The following ZBTB7C variants were observed in gnomAD, a reference collection of about 807,000 sequenced individuals.
ZBTB7C encodes the protein zinc finger and BTB domain-containing protein 7C.
A neutral mutation model predicts 25.7 loss-of-function variants in ZBTB7C; 8 were observed. That is an observed-to-expected ratio of 0.31 (90% confidence interval 0.18 to 0.56). ZBTB7C has a LOEUF of 0.56. Among genes scored for constraint, ZBTB7C ranks in the 20% least tolerant of loss-of-function variants. ZBTB7C has a pLI of 0.91. For missense variants in ZBTB7C, 824 were observed against 855.2 expected, an observed-to-expected ratio of 0.96 and a Z score of 0.46; for synonymous variants, 394 against 369.0, an observed-to-expected ratio of 1.07 and a Z score of -0.78.
In ZBTB7C at chr18:48,239,344, G is replaced by C. The variant is rs116953694; in HGVS notation, c.-78-53349C>G. 9.3e-3 allele frequency among the ~76,000 whole-genome samples: 1,417 copies of C among 152,266 alleles called. 6 individuals are homozygous for C. The highest frequency in any genetic ancestry group is 0.014 in the Non-Finnish European group (963 of 68,022). The stretch of plus-strand genomic sequence containing the variant: ...GGAGACCTTAGGCAAGCTTGTATCA[G>C]CTGATGCTCCCTTGAAAGTGCTACC... On this transcript the variant is annotated intron_variant, in intron 2 of 4. Coordinates refer to ENST00000590800, the MANE Select transcript of ZBTB7C (RefSeq NM_001318841.2).
At chr18:48,322,129 C>A (rs2046110519) in intron 2 of ZBTB7C, among the ~76,000 whole-genome samples, 1 of 152,200 alleles carries the variant, frequency 6.6e-6, no homozygotes, top group Non-Finnish European at 1.5e-5. Flanking sequence ...CTTCCTCCTG[C>A]CCCTCCTTAG....
intron 2 of ZBTB7C, among the ~76,000 whole-genome samples, chr18:48,233,252 C>CCCA (rs150529767): frequency 0.012 from 1,799 of 152,236 alleles, 27 homozygotes; most frequent in African/African-American, 0.04. Context: ...CCCTTCACCC[C>CCCA]CCACCTTCCT....
intron 4 of ZBTB7C, among the ~76,000 whole-genome samples, chr18:48,036,942 G>A (rs1427933227): frequency 5.9e-5 from 9 of 152,186 alleles, no homozygotes; most frequent in Non-Finnish European, 8.8e-5. Context: ...AATCCTTGCC[G>A]GGCAGTTCCA....
chr18:48,094,760 G>T (rs952138426), intron 3 of ZBTB7C, among the ~76,000 whole-genome samples: 1 of 152,076 alleles, frequency 6.6e-6, no homozygotes, highest in Admixed American at 6.5e-5. Flanking sequence ...GTTACACAGT[G>T]GTTTGCATAT....
intron 3 of ZBTB7C, among the ~76,000 whole-genome samples, chr18:48,070,701 G>A (rs2037510618): frequency 6.6e-6 from 1 of 152,208 alleles, no homozygotes; most frequent in Non-Finnish European, 1.5e-5. Context: ...CACCAAGAGT[G>A]ACAGGCATCT....
intron 1 of ZBTB7C, among the ~76,000 whole-genome samples, chr18:48,363,706 G>A (rs75241118): frequency 0.041 from 6,187 of 152,090 alleles, 142 homozygotes; most frequent in Non-Finnish European, 0.05. Flanking sequence ...TAGGGACAGC[G>A]TGGCCATTGG....
intron 3 of ZBTB7C, among the ~76,000 whole-genome samples, chr18:48,177,335 C>G (rs779897849): frequency 5.3e-5 from 8 of 152,210 alleles, no homozygotes; most frequent in Admixed American, 1.3e-4. Context: ...TTGGCTGGCA[C>G]TTCTTCAAGG....
chr18:48,353,048 A>G (rs180908109), intron 1 of ZBTB7C, among the ~76,000 whole-genome samples: 107 of 152,242 alleles, frequency 7.0e-4, no homozygotes, highest in Non-Finnish European at 1.1e-3. Flanking sequence ...CCTAAAAGCA[A>G]TATAGAAATA....
chr18:48,359,671 T>C (rs1318670701), intron 1 of ZBTB7C, among the ~76,000 whole-genome samples: 1 of 152,218 alleles, frequency 6.6e-6, no homozygotes, highest in East Asian at 1.9e-4. Context: ...GATGTCACTT[T>C]GTGACTGTAA....
chr18:48,154,520 CA>C (rs2040775285), intron 3 of ZBTB7C, among the ~76,000 whole-genome samples: 1 of 152,198 alleles, frequency 6.6e-6, no homozygotes, highest in African/African-American at 2.4e-5. Context: ...CTGCCCTGTT[CA>C]ATTCTTTAAG....
At chr18:48,280,923 C>T (rs908677566) in intron 2 of ZBTB7C, among the ~76,000 whole-genome samples, 3 of 135,930 alleles carry the variant, frequency 2.2e-5, no homozygotes, top group Non-Finnish European at 4.5e-5. Flanking sequence ...GTGTGATCTT[C>T]GCTCACTGCA....
At chr18:48,153,884 T>TG (rs2040755067) in intron 3 of ZBTB7C, among the ~76,000 whole-genome samples, 1 of 152,160 alleles carries the variant, frequency 6.6e-6, no homozygotes, top group African/African-American at 2.4e-5. Flanking sequence ...CCTCTCAGGG[T>TG]TTTGAACTTG....
intron 1 of ZBTB7C, among the ~76,000 whole-genome samples, chr18:48,372,581 C>G (rs1197274186): frequency 1.3e-5 from 2 of 152,140 alleles, no homozygotes; most frequent in Non-Finnish European, 2.9e-5. Flanking sequence ...TTAGGAGTTG[C>G]TTACTGGACA....
chr18:48,029,736 G>A lies in ZBTB7C; in HGVS notation c.1384C>T (p.His462Tyr). 1.2e-6 allele frequency: 2 copies of A among 1,606,184 alleles called. No individual in the cohort carries two copies. The highest frequency in any genetic ancestry group is 1.7e-6 in the Non-Finnish European group (2 of 1,179,338). Residue 462 changes from histidine to tyrosine, a missense_variant, in exon 5 of 5, where the codon CAC (histidine) becomes TAC (tyrosine). Physicochemically the swap from His to Tyr is moderately conservative, Grantham distance 83. Coordinates refer to ENST00000590800, the MANE Select transcript of ZBTB7C (RefSeq NM_001318841.2). ...TGGCGCTTGATGTGGCGGTGCAGGT[G>A]GTCAGAGCGCGTGAAGCTCTTGTAG... ...FCYKSFTRSD[H>Y]LHRHIKRQSC...
At chr18:48,320,665 T>C (rs1219417744) in intron 2 of ZBTB7C, among the ~76,000 whole-genome samples, 2 of 152,214 alleles carry the variant, frequency 1.3e-5, no homozygotes, top group African/African-American at 4.8e-5. Flanking sequence ...CTAAATGCTA[T>C]ATCAGAGGCC....
At chr18:48,136,334 C>T (rs1001121848) in intron 3 of ZBTB7C, among the ~76,000 whole-genome samples, 2 of 152,198 alleles carry the variant, frequency 1.3e-5, no homozygotes, top group South Asian at 4.1e-4. Flanking sequence ...ATCCACTCAC[C>T]CCCAGGTTGG....
chr18:48,383,499 C>G (rs1407000071), intron 1 of ZBTB7C, among the ~76,000 whole-genome samples: 1 of 152,244 alleles, frequency 6.6e-6, no homozygotes, highest in Middle Eastern at 3.4e-3. Context: ...CTCCTGAGTT[C>G]AAGTGATCCG....
At chr18:48,133,450 T>C (rs1435420249) in intron 3 of ZBTB7C, among the ~76,000 whole-genome samples, 1 of 152,208 alleles carries the variant, frequency 6.6e-6, no homozygotes, top group Non-Finnish European at 1.5e-5. Context: ...ATTTTGAAAG[T>C]CATCCACTGA....
At chr18:48,042,419 C>A (rs548749527) in intron 3 of ZBTB7C, among the ~76,000 whole-genome samples, 2 of 152,128 alleles carry the variant, frequency 1.3e-5, no homozygotes, top group Non-Finnish European at 1.5e-5. Context: ...TATCTTGGTA[C>A]AAATAAAGTG....
Sources: gnomAD v4.1 joint callset for allele counts (sites outside exome capture counted in the v4.1 genomes callset) on GRCh38, gnomAD v4.1.1 for gene constraint, MANE v1.5 for transcripts, NCBI Gene and HGNC (gene_info 2026-07-23, HGNC 2026-07-21) for gene names.